The following COMMD5 variants were observed in gnomAD, a reference collection of about 807,000 sequenced individuals.
COMMD5 encodes the protein COMM domain-containing protein 5.
In COMMD5, 10 loss-of-function variants were observed where a neutral mutation model predicts 6.9. That is an observed-to-expected ratio of 1.44 (90% CI 0.89 to 2.45). COMMD5 has a LOEUF of 2.45. COMMD5 is among the 30% of genes most tolerant of loss of function. The probability of loss-of-function intolerance (pLI) is 0.00; values close to 1 mark genes in which losing one functional copy is unlikely to be tolerated. For synonymous variants in COMMD5, 127 were observed against 125.3 expected, an observed-to-expected ratio of 1.01 and a Z score of -0.09; for missense variants, 234 against 287.8, an observed-to-expected ratio of 0.81 and a Z score of 1.35.
rs1361168106 is a variant in COMMD5, at chr8:144,843,359, G to A, written c.*117-1616C>T. On this transcript the variant is annotated intron_variant and NMD_transcript_variant, in intron 1 of 1. Coordinates refer to the COMMD5 transcript ENST00000530332. ...CATCCCAGCACTTTGGGAGGCCAAG[G>A]CGGGCACATCACGAGGTCAGGAGGT... 36 of 614,822 alleles carry A rather than the reference G, an allele frequency of 5.9e-5. No homozygotes were observed. The East Asian group carries it at 1.1e-3, about 18-fold the overall frequency. The allele number at this position is 614,822 out of a possible 1,614,324, so 38.1% of individuals were successfully genotyped here. A position where few individuals can be genotyped will look rare whatever the true frequency, so the allele number is the denominator to read the frequency against.
In COMMD5 at chr8:144,850,338, C is replaced by T. The variant is rs905276825; in HGVS notation, c.*326G>A. On this transcript the variant is annotated 3_prime_UTR_variant, in exon 2 of 2. Transcript: ENST00000305103. The surrounding 1 kb of genome is among the most constrained non-coding windows in gnomAD (Gnocchi z 4.0). ...CCTGGCTACATGGGGCCAGGCTGAG[C>T]AACTGTATGTTGTCTACAAAGGGCC... is the stretch of plus-strand genomic sequence containing the variant. 1.6e-5 allele frequency: 4 copies of T among 251,994 alleles called. No individual in the cohort carries two copies. The highest frequency in any genetic ancestry group is 1.5e-4 in the Admixed American group (3 of 20,578). The allele number at this position is 251,994 out of a possible 1,614,324, so 15.6% of individuals were successfully genotyped here. A position where few individuals can be genotyped will look rare whatever the true frequency, so the allele number is the denominator to read the frequency against.
chr8:144,838,399 C>T, downstream of COMMD5: 1 of 470,998 alleles, frequency 2.1e-6, no homozygotes, highest in Non-Finnish European at 3.8e-6. Flanking sequence ...CTGCCTCCGG[C>T]ATCAGCTCCT....
chr8:144,841,033 T>C (rs2242650), downstream of COMMD5: 116,978 of 262,816 alleles, frequency 0.45, 28,157 homozygotes, highest in African/African-American at 0.67. Context: ...CCCACCCTTC[T>C]GGTCTTGCTT....
At chr8:144,841,027 C>T (rs142611721), downstream of COMMD5, 4 of 262,492 alleles carry the variant, frequency 1.5e-5, no homozygotes, top group East Asian at 7.9e-5. Context: ...TAGCTTCCCA[C>T]CCTTCTGGTC....
chr8:144,846,110 C>T, downstream of COMMD5: 2 of 1,523,084 alleles, frequency 1.3e-6, no homozygotes, highest in Non-Finnish European at 1.7e-6. Context: ...CTCGTCATCT[C>T]CTCTTGGCCA....
intron 1 of COMMD5, chr8:144,842,974 A>G (rs762995729): frequency 1.2e-6 from 2 of 1,614,106 alleles, no homozygotes; most frequent in African/African-American, 1.3e-5. Context: ...CACCTTTGTG[A>G]GCCGTAAAAA....
At chr8:144,838,446 G>A (rs1243136080), downstream of COMMD5, 2 of 379,306 alleles carry the variant, frequency 5.3e-6, no homozygotes, top group African/African-American at 2.1e-5. Flanking sequence ...CTGCTCCCCT[G>A]CTTAGCCGGT....
downstream of COMMD5, chr8:144,850,139 C>G (rs1283768246): frequency 6.4e-6 from 1 of 155,772 alleles, no homozygotes; most frequent in Non-Finnish European, 1.4e-5. This position sits in a 1 kb window ranked among gnomAD's most constrained non-coding sequence, Gnocchi z 4.0. Flanking sequence ...AGACCCCACC[C>G]TACTTGCTGC....
chr8:144,849,633 A>T (rs1221791476), downstream of COMMD5, among the ~76,000 whole-genome samples: 1 of 152,142 alleles, frequency 6.6e-6, no homozygotes, highest in Non-Finnish European at 1.5e-5. Context: ...GGCTCTGCAG[A>T]GACCGAGCAC....
At chr8:144,846,331 G>A (rs141421605), downstream of COMMD5, 205 of 707,440 alleles carry the variant, frequency 2.9e-4, no homozygotes, top group African/African-American at 3.1e-3. Flanking sequence ...CAAACCATTC[G>A]TAGCTTTTTA....
downstream of COMMD5, chr8:144,846,305 CTAA>C (rs1205820940): frequency 1.1e-6 from 1 of 945,262 alleles, no homozygotes; most frequent in African/African-American, 1.7e-5. Flanking sequence ...TGACATGGTC[CTAA>C]GTCAGGGGCT....
intron 1 of COMMD5, chr8:144,841,948 A>T: frequency 1.9e-6 from 3 of 1,614,108 alleles, no homozygotes; most frequent in Non-Finnish European, 2.5e-6. Flanking sequence ...CTTTAAATGC[A>T]CTGAGTGTGG....
intron 1 of COMMD5, chr8:144,843,123 T>C (rs1830185855): frequency 3.1e-6 from 5 of 1,610,314 alleles, no homozygotes; most frequent in Non-Finnish European, 4.2e-6. Context: ...AAGCTTTTAA[T>C]CGTAGCTCAA....
chr8:144,844,732 A>AC lies in COMMD5; in HGVS notation c.*117-2990_*117-2989insG, dbSNP rs1441825043. 3.0e-5 allele frequency among the ~76,000 whole-genome samples: 4 copies of AC among 135,290 alleles called. 1 individual carries two copies. Among genetic ancestry groups the AC allele is most frequent in the African/African-American group, 8.2e-5 (3 of 36,432 alleles). The allele number at this position is 135,290 out of a possible 152,430, so 88.8% of individuals were successfully genotyped here. ...ATCAAAAAAAAAAAAAAAAAAAAAA[A>AC]AAAACGAAAATGGGATGGAAAGAAG... On this transcript the variant is annotated intron_variant and NMD_transcript_variant, in intron 1 of 1. Transcript: ENST00000530332.
At chr8:144,844,363 C>CTT (rs947620627) in intron 1 of COMMD5, among the ~76,000 whole-genome samples, 1 of 151,956 alleles carries the variant, frequency 6.6e-6, no homozygotes, top group Non-Finnish European at 1.5e-5. Flanking sequence ...AGTTGCCCCA[C>CTT]TTTTTTTTGG....
chr8:144,851,749 G>A (rs967332664), intron 1 of COMMD5, among the ~76,000 whole-genome samples: 4 of 152,104 alleles, frequency 2.6e-5, no homozygotes, highest in Non-Finnish European at 4.4e-5. Context: ...TGCAGCTGGC[G>A]CCACAGACCA....
intron 1 of COMMD5, chr8:144,842,587 G>T: frequency 6.2e-7 from 1 of 1,614,228 alleles, no homozygotes; most frequent in African/African-American, 1.3e-5. Flanking sequence ...CCACACTGGA[G>T]AGAAACCCTA....
At chr8:144,853,339 C>G (rs1052199988), upstream of COMMD5, 1 of 152,254 alleles carries the variant, frequency 6.6e-6, no homozygotes. Flanking sequence ...CGGGAGAACG[C>G]GTCCCGTGGT....
At chr8:144,844,483 G>C (rs555072572) in intron 1 of COMMD5, among the ~76,000 whole-genome samples, 1 of 152,126 alleles carries the variant, frequency 6.6e-6, no homozygotes. Context: ...GGTCGAGGTG[G>C]GTGGATCATG....
Sources: gnomAD v4.1 joint callset for allele counts (sites outside exome capture counted in the v4.1 genomes callset) on GRCh38, gnomAD v4.1.1 for gene constraint, Gnocchi (gnomAD v3.1) non-coding constraint, MANE v1.5 for transcripts, NCBI Gene and HGNC (gene_info 2026-07-23, HGNC 2026-07-21) for gene names.